The following ETNK1 variants were observed in gnomAD, a reference collection of about 807,000 sequenced individuals.
ETNK1 encodes ethanolamine kinase 1, also known as putative protein product of Nbla10396.
Under a neutral mutation model 45.1 loss-of-function variants are expected in ETNK1, and 8 were observed. The ratio of observed to expected loss-of-function variants is 0.18; its 90% CI spans 0.10 to 0.32. ETNK1 has a LOEUF of 0.32. ETNK1 is among the 10% of genes least tolerant of loss of function. The pLI is 1.00. For missense variants in ETNK1, 302 were observed against 430.6 expected, an observed-to-expected ratio of 0.70 and a Z score of 2.64; for synonymous variants, 152 against 151.9, an observed-to-expected ratio of 1.00 and a Z score of -0.01.
Position 22,625,444 on chromosome 12 carries a change from T to C in ETNK1, c.14T>C (p.Ile5Thr). Residue 5 changes from isoleucine to threonine, a missense_variant, in exon 1 of 8, where the codon ATC becomes ACC. Coordinates refer to ENST00000266517, the MANE Select transcript of ETNK1 (RefSeq NM_018638.5). ...GTCGCCTGGGCCATGGCCAATTACATCCACGTCCCTCCCGGCTCCCCGGAG... is the reference window on the plus strand; with the variant it reads ...GTCGCCTGGGCCATGGCCAATTACACCCACGTCCCTCCCGGCTCCCCGGAG... MANY[I>T]HVPPGSPEVP... The C allele has an allele frequency of 6.3e-7, 1 of 1,590,736 alleles. No homozygotes were observed. Among genetic ancestry groups the C allele is most frequent in the Non-Finnish European group, 8.6e-7 (1 of 1,169,518 alleles).
At chr12:22,654,918 C>T (rs112745881) in intron 2 of ETNK1, among the ~76,000 whole-genome samples, 18 of 152,258 alleles carry the variant, frequency 1.2e-4, no homozygotes, top group African/African-American at 4.1e-4. Flanking sequence ...AAAAATTTTA[C>T]CTCTGTCACT....
At chr12:22,625,672 G>T in intron 1 of ETNK1, 86 bp downstream of exon 1, 1 of 1,501,350 alleles carries the variant, frequency 6.7e-7, no homozygotes, top group South Asian at 1.2e-5. Flanking sequence ...GTCCCACGAT[G>T]ACCGAGGAGG....
intron 1 of ETNK1, among the ~76,000 whole-genome samples, chr12:22,633,035 A>G (rs777167604): frequency 2.0e-5 from 3 of 152,136 alleles, no homozygotes; most frequent in Non-Finnish European, 4.4e-5. Context: ...ATCACAAATT[A>G]TGCTTCTTAC....
intron 6 of ETNK1, chr12:22,682,238 G>C: frequency 2.2e-6 from 1 of 462,896 alleles, no homozygotes; most frequent in Non-Finnish European, 4.3e-6. Context: ...AAGCTGTTAA[G>C]CTCACAGAAT....
At chr12:22,680,896 G>GCC (rs1565449506) in intron 6 of ETNK1, among the ~76,000 whole-genome samples, 3 of 49,998 alleles carry the variant, frequency 6.0e-5, no homozygotes, top group African/African-American at 1.5e-4. Context: ...TTCTTCCCCC[G>GCC]CCCCCCCCTC....
chr12:22,630,656 G>T (rs1953566372), intron 1 of ETNK1, among the ~76,000 whole-genome samples: 1 of 152,050 alleles, frequency 6.6e-6, no homozygotes, highest in Non-Finnish European at 1.5e-5. Context: ...TGTAGCCCAG[G>T]CTGGAGTGCA....
intron 6 of ETNK1, among the ~76,000 whole-genome samples, chr12:22,683,141 G>C (rs1217474038): frequency 6.6e-6 from 1 of 152,124 alleles, no homozygotes. Context: ...CCACACGCCA[G>C]AGCCCAGCTT....
chr12:22,683,713 TTTGTTAGAGCCCC>T (rs1387393757), intron 6 of ETNK1, among the ~76,000 whole-genome samples: 2 of 152,164 alleles, frequency 1.3e-5, no homozygotes, highest in Admixed American at 1.3e-4. Flanking sequence ...TGAATACTTT[TTTGTTAGAGCCCC>T]TTTGTTACTG....
At chr12:22,684,443 T>C in intron 6 of ETNK1, 40 bp from the exon 7 acceptor site, 1 of 1,399,874 alleles carries the variant, frequency 7.1e-7, no homozygotes, top group Non-Finnish European at 1.0e-6. Context: ...ACAGAGAAAT[T>C]CATTATCATA....
At position 22,687,969 on chromosome 12, in the gene ETNK1, T is replaced by C. The variant is rs1954273789; in HGVS notation, c.*3015T>C. ...ATTTATTTAGCCTCTCAGTGCTTAA[T>C]AAGACTTTTCTTTATTTTTTAGTTA... On this transcript the variant is annotated 3_prime_UTR_variant, in exon 8 of 8. Coordinates refer to ENST00000266517, the MANE Select transcript of ETNK1 (RefSeq NM_018638.5). The C allele has an allele frequency of 6.6e-6, 1 of 152,316 alleles. No individual in the cohort carries two copies. The highest frequency in any genetic ancestry group is 2.4e-5 in the African/African-American group (1 of 41,416). The allele number at this position is 152,316 out of a possible 1,614,324, so 9.4% of individuals were successfully genotyped here.
At chr12:22,645,353 C>G (rs1953794085) in intron 2 of ETNK1, among the ~76,000 whole-genome samples, 1 of 151,772 alleles carries the variant, frequency 6.6e-6, no homozygotes, top group South Asian at 2.1e-4. Context: ...CATGATTGAT[C>G]TATTTCAGTA....
In ETNK1 at chr12:22,643,805, G is replaced by C; in HGVS notation, c.199G>C (p.Val67Leu). ...CACAAATAAACTTATTGGCTGTTAC[G>C]TGGGAAACACCATGGAGGATGTAGT... ...GITNKLIGCYVGNTMEDVVLV... is the reference protein window; with the variant it reads ...GITNKLIGCYLGNTMEDVVLV... Residue 67 changes from valine (V) to leucine (L), a missense_variant, in exon 2 of 8, where the codon GTG (valine) becomes CTG (leucine). Around this residue, in one of 3 missense-constraint regions of ETNK1, gnomAD observed 205 missense variants for 259.9 expected, o/e 0.79. Coordinates refer to ENST00000266517, the MANE Select transcript of ETNK1 (RefSeq NM_018638.5). The C allele has an allele frequency of 6.2e-7, 1 of 1,612,878 alleles. No individual in the cohort carries two copies. The highest frequency in any genetic ancestry group is 1.7e-4 in the Middle Eastern group (1 of 6,058).
chr12:22,629,689 T>C (rs1212790185), intron 1 of ETNK1, among the ~76,000 whole-genome samples: 1 of 152,136 alleles, frequency 6.6e-6, no homozygotes, highest in African/African-American at 2.4e-5. Flanking sequence ...AGCAGTAGCT[T>C]CTGAAAAGTC....
rs984643537 is a variant in ETNK1, at chr12:22,634,147, C to A, written c.156+8561C>A. On this transcript the variant is annotated intron_variant, in intron 1 of 7. Coordinates refer to ENST00000266517, the MANE Select transcript of ETNK1 (RefSeq NM_018638.5). ...TTATTCTTAGTTTGTTAAGTATTTT[C>A]ATCATGAATGATGAATTTGGCCAAA... 2.6e-5 allele frequency among the ~76,000 whole-genome samples: 4 copies of A among 152,090 alleles called. No individual in the cohort carries two copies. In the East Asian group the frequency reaches 7.7e-4, roughly 29 times the overall value.
chr12:22,635,823 CT>C (rs1220342785), intron 1 of ETNK1, among the ~76,000 whole-genome samples: 1 of 152,048 alleles, frequency 6.6e-6, no homozygotes, highest in East Asian at 1.9e-4. Flanking sequence ...GATTTTCATC[CT>C]TTGATATTTG....
At chr12:22,667,310 C>T (rs12296448) in intron 4 of ETNK1, among the ~76,000 whole-genome samples, 55,068 of 151,824 alleles carry the variant, frequency 0.36, 10,380 homozygotes, top group Non-Finnish European at 0.42. Context: ...CCCCAGCAAA[C>T]GTGTTATTGT....
At chr12:22,657,325 A>G (rs972320640) in intron 2 of ETNK1, among the ~76,000 whole-genome samples, 1 of 152,198 alleles carries the variant, frequency 6.6e-6, no homozygotes, top group African/African-American at 2.4e-5. Flanking sequence ...ATTTTAATGT[A>G]TTAGATTAAA....
chr12:22,690,187 T>C lies in ETNK1; in HGVS notation c.*5233T>C, dbSNP rs1159803130. The C allele has an allele frequency of 3.3e-5, 5 of 152,530 alleles. No homozygotes were observed. The highest frequency in any genetic ancestry group is 7.4e-5 in the Non-Finnish European group (5 of 67,924). 9.4% of individuals were successfully genotyped at this position (152,530 alleles called of 1,614,324 possible). ...GCTGCTTTGTATATAATGTAAGTGC[T>C]ACAAATAGTCTCAGCACTGAAAATG... On this transcript the variant is annotated 3_prime_UTR_variant, in exon 8 of 8. Coordinates refer to ENST00000266517, the MANE Select transcript of ETNK1 (RefSeq NM_018638.5).
At chr12:22,659,282 C>A in intron 3 of ETNK1, 128 bp downstream of exon 3, 2 of 942,344 alleles carry the variant, frequency 2.1e-6, no homozygotes, top group South Asian at 1.8e-5. Context: ...GTAAAGTAAG[C>A]ATTGATTCTT....
Sources: gnomAD v4.1 joint callset for allele counts (sites outside exome capture counted in the v4.1 genomes callset) on GRCh38, gnomAD v4.1.1 for gene constraint, gnomAD v4.1.1 regional missense constraint, MANE v1.5 for transcripts, NCBI Gene and HGNC (gene_info 2026-07-23, HGNC 2026-07-21) for gene names.